Variants in SNAP25 observed in about 807,000 individuals in gnomAD.
SNAP25 encodes the protein synaptosomal-associated protein 25.
A neutral mutation model predicts 28.7 loss-of-function variants in SNAP25; 3 were observed. The observed-to-expected ratio is 0.10, with a 90% CI of 0.05 to 0.27. The LOEUF is 0.27. SNAP25 is among the 10% of genes least tolerant of loss of function. The probability of loss-of-function intolerance (pLI) is 1.00; values close to 1 mark genes in which losing one functional copy is unlikely to be tolerated. For synonymous variants in SNAP25, 61 were observed against 88.1 expected (o/e 0.69, Z 1.72); for missense variants, 117 against 278.7 (o/e 0.42, Z 4.13).
intron 1 of SNAP25, among the ~76,000 whole-genome samples, chr20:10,252,593 A>AT (rs1435980284): frequency 2.6e-5 from 4 of 152,212 alleles, no homozygotes; most frequent in Non-Finnish European, 4.4e-5. Context: ...AATTTAACAG[A>AT]TTTTGAAATA....
rs761144395 is a variant in SNAP25, at chr20:10,297,036, C to T, written c.393C>T (p.Gly131=). 6.9e-5 allele frequency: 110 copies of T among 1,600,530 alleles called. No individual in the cohort carries two copies. Among genetic ancestry groups the T allele is most frequent in the Middle Eastern group, 3.3e-4 (2 of 6,012 alleles). Residue 131 remains glycine, a synonymous_variant, in exon 6 of 8, where the codon GGC becomes GGT. Transcript: ENST00000254976. The stretch of plus-strand genomic sequence containing the variant: ...AACGGGAGCAGATGGCCATCAGTGG[C>T]GGCTTCATCCGCAGGTGAGCCTCAT... ...VDEREQMAIS[G]GFIRRVTNDA...
intron 1 of SNAP25, among the ~76,000 whole-genome samples, chr20:10,262,375 T>G (rs2063428704): frequency 6.6e-6 from 1 of 152,198 alleles, no homozygotes; most frequent in South Asian, 2.1e-4. Context: ...TACTCCACCT[T>G]TCTGAGCTTC....
chr20:10,233,907 TG>T (rs371850955), intron 1 of SNAP25, among the ~76,000 whole-genome samples: 157 of 152,328 alleles, frequency 1.0e-3, no homozygotes, highest in African/African-American at 3.6e-3. Context: ...GAGACTCATA[TG>T]GGTGGCTCTT....
chr20:10,298,492 T>G (rs1477628553), intron 6 of SNAP25, among the ~76,000 whole-genome samples: 1 of 152,210 alleles, frequency 6.6e-6, no homozygotes, highest in Admixed American at 6.5e-5. Context: ...AACTTTCAAG[T>G]TGGACTGTGA....
chr20:10,285,298 A>G (rs1266573627), intron 4 of SNAP25, among the ~76,000 whole-genome samples: 1 of 152,204 alleles, frequency 6.6e-6, no homozygotes, highest in Non-Finnish European at 1.5e-5. Flanking sequence ...CATTGAACCA[A>G]TTGAAATATT....
intron 1 of SNAP25, among the ~76,000 whole-genome samples, chr20:10,226,784 T>C (rs1238388022): frequency 2.0e-5 from 3 of 152,120 alleles, no homozygotes; most frequent in Non-Finnish European, 4.4e-5. Context: ...ATCTAAGGTA[T>C]GTCTTTGTGT....
intron 6 of SNAP25, among the ~76,000 whole-genome samples, chr20:10,297,998 A>AC (rs146047455): frequency 0.019 from 2,866 of 151,824 alleles, 78 homozygotes; most frequent in African/African-American, 0.062. Flanking sequence ...AAAAAAAAAA[A>AC]CTCAAGTTAC....
At chr20:10,273,130 A>G (rs774428390) in intron 1 of SNAP25, among the ~76,000 whole-genome samples, 6 of 151,354 alleles carry the variant, frequency 4.0e-5, no homozygotes, top group Non-Finnish European at 7.4e-5. Flanking sequence ...TTGCCTCCCA[A>G]TGAGTATGTT....
intron 4 of SNAP25, among the ~76,000 whole-genome samples, chr20:10,285,741 A>G (rs2063864316): frequency 6.6e-6 from 1 of 152,146 alleles, no homozygotes; most frequent in Non-Finnish European, 1.5e-5. Context: ...TAAAATTCAG[A>G]GAGCCCTTGC....
At chr20:10,225,253 C>T (rs377358160) in intron 1 of SNAP25, among the ~76,000 whole-genome samples, 49 of 150,952 alleles carry the variant, frequency 3.2e-4, no homozygotes, top group African/African-American at 1.1e-3. Context: ...AAAACACATT[C>T]GCCTTGTCAC....
chr20:10,306,347 C>T lies in SNAP25; in HGVS notation c.*150C>T. 3.1e-6 allele frequency: 2 copies of T among 637,296 alleles called. No homozygotes were observed. Among genetic ancestry groups the T allele is most frequent in the Middle Eastern group, 3.3e-4 (1 of 2,996 alleles). 39.5% of individuals were successfully genotyped at this position (637,296 alleles called of 1,614,324 possible). A position where few individuals can be genotyped will look rare whatever the true frequency, so the allele number is the denominator to read the frequency against. On this transcript the variant is annotated 3_prime_UTR_variant, in exon 8 of 8. Coordinates refer to ENST00000254976, the MANE Select transcript of SNAP25 (RefSeq NM_130811.4). Reference sequence around the variant, plus strand: ...TGTCCTGTGTCATCTGTCAGCTTCCCAACAATACTTTGTGTCTTTTGTTCT... The same window carrying T: ...TGTCCTGTGTCATCTGTCAGCTTCCTAACAATACTTTGTGTCTTTTGTTCT...
chr20:10,243,064 C>T (rs3025861), intron 1 of SNAP25, among the ~76,000 whole-genome samples: 2,235 of 152,304 alleles, frequency 0.015, 50 homozygotes, highest in African/African-American at 0.051. Context: ...CTTAGGGGCA[C>T]TGGCTTTACC....
chr20:10,259,824 G>T (rs1287120184), intron 1 of SNAP25, among the ~76,000 whole-genome samples: 2 of 152,158 alleles, frequency 1.3e-5, no homozygotes, highest in African/African-American at 4.8e-5. Context: ...GGCTTGAGCC[G>T]CTGTGCCCAG....
At chr20:10,230,821 T>G (rs151104721) in intron 1 of SNAP25, among the ~76,000 whole-genome samples, 13 of 152,244 alleles carry the variant, frequency 8.5e-5, no homozygotes, top group African/African-American at 2.9e-4. Flanking sequence ...ACCCTCTGAT[T>G]TAGTAATGAA....
At chr20:10,263,143 C>T (rs919711326) in intron 1 of SNAP25, among the ~76,000 whole-genome samples, 4 of 151,584 alleles carry the variant, frequency 2.6e-5, no homozygotes, top group Admixed American at 6.6e-5. Flanking sequence ...CTCAGCCACC[C>T]GAGTAGCTGG....
At chr20:10,220,063 A>G (rs1404406382) in intron 1 of SNAP25, among the ~76,000 whole-genome samples, 4 of 152,192 alleles carry the variant, frequency 2.6e-5, no homozygotes, top group South Asian at 2.1e-4. Context: ...CACAGAGTAG[A>G]TCTGTCTACA....
chr20:10,231,277 C>G (rs902816456), intron 1 of SNAP25, among the ~76,000 whole-genome samples: 1 of 152,158 alleles, frequency 6.6e-6, no homozygotes, highest in African/African-American at 2.4e-5. Flanking sequence ...ATCCTGATGT[C>G]TTACATTGCC....
At chr20:10,302,354 A>G (rs994749981) in intron 7 of SNAP25, among the ~76,000 whole-genome samples, 12 of 152,208 alleles carry the variant, frequency 7.9e-5, no homozygotes, top group African/African-American at 2.7e-4. Context: ...AAAACACAGC[A>G]TTTGAGAGCT....
chr20:10,275,641 A>G, intron 2 of SNAP25, 78 bp downstream of exon 2: 1 of 1,227,180 alleles, frequency 8.1e-7, no homozygotes, highest in Non-Finnish European at 1.1e-6. Context: ...CAGGTAGGGA[A>G]AGCCTTTCTT....
Sources: gnomAD v4.1 joint callset for allele counts (sites outside exome capture counted in the v4.1 genomes callset) on GRCh38, gnomAD v4.1.1 for gene constraint, MANE v1.5 for transcripts, NCBI Gene and HGNC (gene_info 2026-07-23, HGNC 2026-07-21) for gene names.